LCLAT1: variants seen among roughly 807,000 people sequenced by gnomAD.
LCLAT1 encodes the protein lysocardiolipin acyltransferase 1, also known as 1-AGP acyltransferase 8.
Under a neutral mutation model 30.7 loss-of-function variants are expected in LCLAT1, and 11 were observed. The ratio of observed to expected loss-of-function variants is 0.36; its 90% CI spans 0.23 to 0.59. The LOEUF (loss-of-function observed/expected upper bound fraction) is 0.59, where lower values mean the gene tolerates loss of function less well. Ranked by LOEUF, LCLAT1 falls within the 20% of genes least tolerant of loss-of-function variation. The probability of loss-of-function intolerance (pLI) is 0.77; values close to 1 mark genes in which losing one functional copy is unlikely to be tolerated. For missense variants in LCLAT1, 402 were observed against 458.6 expected (o/e 0.88, Z 1.13); for synonymous variants, 155 against 151.3 (o/e 1.02, Z -0.18).
intron 1 of LCLAT1, among the ~76,000 whole-genome samples, chr2:30,498,291 A>G (rs572686812): frequency 1.3e-5 from 2 of 152,158 alleles, no homozygotes; most frequent in Admixed American, 6.5e-5. Flanking sequence ...AGTGTAAAGA[A>G]TTGGAGGCAG....
At chr2:30,488,378 GA>G (rs1366076888) in intron 1 of LCLAT1, among the ~76,000 whole-genome samples, 1 of 152,212 alleles carries the variant, frequency 6.6e-6, no homozygotes, top group Admixed American at 6.5e-5. Flanking sequence ...ATAACTTGGA[GA>G]AAAAAGGTAA....
At position 30,568,174 on chromosome 2, in the gene LCLAT1, A is replaced by C; in HGVS notation, c.626A>C (p.Glu209Ala). Residue 209 changes from glutamate (E) to alanine (A), a missense_variant and splice_region_variant, in exon 5 of 6, where the codon GAA (glutamate) becomes GCA (alanine). Transcript: ENST00000379509. ...GFTFVVDRLR[E>A]GKNLDAVHDI... ...ACTTTTGTGGTAGACCGTCTAAGAG[A>C]AGGTAAGCACCCATTTCAAAATGTA... The C allele has an allele frequency of 6.5e-7, 1 of 1,532,782 alleles. No homozygotes were observed. Among genetic ancestry groups the C allele is most frequent in the Non-Finnish European group, 9.0e-7 (1 of 1,116,214 alleles). The allele number at this position is 1,532,782 out of a possible 1,614,324, so 94.9% of individuals were successfully genotyped here. A position where few individuals can be genotyped will look rare whatever the true frequency, so the allele number is the denominator to read the frequency against.
At chr2:30,455,213 C>T (rs1681770864) in intron 1 of LCLAT1, among the ~76,000 whole-genome samples, 1 of 152,132 alleles carries the variant, frequency 6.6e-6, no homozygotes, top group Admixed American at 6.6e-5. Flanking sequence ...GAATGAGGAA[C>T]TCTGAAATTG....
At chr2:30,450,687 A>G (rs1681500785) in intron 1 of LCLAT1, among the ~76,000 whole-genome samples, 3 of 152,240 alleles carry the variant, frequency 2.0e-5, no homozygotes, top group Admixed American at 2.0e-4. Flanking sequence ...CAAATCGACT[A>G]CAAGGTAGGG....
chr2:30,461,972 C>T (rs972456537), intron 1 of LCLAT1, among the ~76,000 whole-genome samples: 2 of 151,582 alleles, frequency 1.3e-5, no homozygotes, highest in Non-Finnish European at 2.9e-5. Context: ...CGGGGTTTCA[C>T]TGTGTTAGCC....
intron 1 of LCLAT1, among the ~76,000 whole-genome samples, chr2:30,502,446 T>A (rs1322700514): frequency 2.0e-5 from 3 of 152,204 alleles, no homozygotes; most frequent in Non-Finnish European, 4.4e-5. Context: ...TTCACAGAGC[T>A]GTGCAACCAT....
intron 5 of LCLAT1, among the ~76,000 whole-genome samples, chr2:30,624,725 A>G (rs1031698104): frequency 1.3e-5 from 2 of 152,220 alleles, no homozygotes; most frequent in African/African-American, 4.8e-5. Flanking sequence ...CAGAAAGTCA[A>G]CAAAGAAACA....
chr2:30,586,843 C>CT, intron 5 of LCLAT1, among the ~76,000 whole-genome samples: 1 of 152,230 alleles, frequency 6.6e-6, no homozygotes, highest in South Asian at 2.1e-4. Flanking sequence ...GAAAAAAAGA[C>CT]TTAAAAAAAA....
intron 5 of LCLAT1, among the ~76,000 whole-genome samples, chr2:30,600,546 A>AAAAC (rs756015963): frequency 1.3e-4 from 20 of 152,090 alleles, no homozygotes; most frequent in Admixed American, 4.6e-4. Flanking sequence ...AGAGATATGA[A>AAAAC]AAACAAACAC....
intron 5 of LCLAT1, among the ~76,000 whole-genome samples, chr2:30,569,898 C>G (rs890509614): frequency 5.9e-5 from 9 of 151,930 alleles, no homozygotes; most frequent in African/African-American, 2.2e-4. Flanking sequence ...CGTGGAAGTT[C>G]ATGGAGAATA....
intron 3 of LCLAT1, among the ~76,000 whole-genome samples, chr2:30,560,324 G>GTGTA (rs1236830882): frequency 3.8e-5 from 5 of 130,920 alleles, no homozygotes; most frequent in Non-Finnish European, 6.5e-5. Flanking sequence ...GTGTGTGTGT[G>GTGTA]TATTATTTAT....
At chr2:30,544,996 GAGTATCTTACCCATTGTAGGCTCTTAACT>G (rs1664331483) in intron 3 of LCLAT1, among the ~76,000 whole-genome samples, 1 of 152,078 alleles carries the variant, frequency 6.6e-6, no homozygotes, top group Non-Finnish European at 1.5e-5. Flanking sequence ...GCTACTTATA[GAGTATCTTACCCATTGTAGGCTCTTAACT>G]ATTTGTAAGC....
At chr2:30,473,002 A>G (rs932162571) in intron 1 of LCLAT1, among the ~76,000 whole-genome samples, 3 of 151,018 alleles carry the variant, frequency 2.0e-5, no homozygotes, top group South Asian at 2.1e-4. Context: ...TCTGGAGTTG[A>G]AAAAAAAATG....
intron 3 of LCLAT1, among the ~76,000 whole-genome samples, chr2:30,539,720 C>T (rs1408821215): frequency 6.6e-6 from 1 of 151,962 alleles, no homozygotes; most frequent in Non-Finnish European, 1.5e-5. Context: ...ATTTTCAACT[C>T]GGGTATAATT....
chr2:30,483,480 C>T (rs892021507), intron 1 of LCLAT1, among the ~76,000 whole-genome samples: 9 of 152,156 alleles, frequency 5.9e-5, no homozygotes, highest in East Asian at 1.9e-4. Context: ...CTGTCTTTAT[C>T]TTTAAAGTGA....
chr2:30,500,476 A>C (rs1285332391), intron 1 of LCLAT1, among the ~76,000 whole-genome samples: 2 of 152,250 alleles, frequency 1.3e-5, no homozygotes, highest in African/African-American at 4.8e-5. Context: ...ATTTGTTTCC[A>C]GTAGAAGACT....
intron 1 of LCLAT1, among the ~76,000 whole-genome samples, chr2:30,498,908 C>T (rs1229173532): frequency 1.3e-5 from 2 of 152,184 alleles, no homozygotes; most frequent in Non-Finnish European, 2.9e-5. Context: ...TAGGCTCCTT[C>T]TATCTCTAAA....
chr2:30,536,031 G>C lies in LCLAT1; in HGVS notation c.364+2717G>C, dbSNP rs377758211. On this transcript the variant is annotated intron_variant, in intron 3 of 5. Coordinates refer to ENST00000379509, the MANE Select transcript of LCLAT1 (RefSeq NM_001002257.3). ...AAATGAAATAAAAATAAAATCAAGA[G>C]CTTCAACAATAAACTAGATCAAGCA... Among the ~76,000 whole-genome samples the C allele has an allele frequency of 4.6e-5, 7 of 151,466 alleles. 1 individual carries two copies. The highest frequency in any genetic ancestry group is 1.7e-4 in the African/African-American group (7 of 41,238).
intron 5 of LCLAT1, among the ~76,000 whole-genome samples, chr2:30,612,161 C>T (rs1360884190): frequency 2.0e-5 from 3 of 152,036 alleles, no homozygotes; most frequent in South Asian, 2.1e-4. Flanking sequence ...AGGCTATATT[C>T]GGGAATGTTT....
Sources: gnomAD v4.1 joint callset for allele counts (sites outside exome capture counted in the v4.1 genomes callset) on GRCh38, gnomAD v4.1.1 for gene constraint, MANE v1.5 for transcripts, NCBI Gene and HGNC (gene_info 2026-07-23, HGNC 2026-07-21) for gene names.